The following VAV3 variants were observed in gnomAD, a reference collection of about 807,000 sequenced individuals.
The protein encoded by VAV3 is guanine nucleotide exchange factor VAV3.
Under a neutral mutation model 131.2 loss-of-function variants are expected in VAV3, and 94 were observed. That is an observed-to-expected ratio of 0.72 (90% CI 0.61 to 0.85). The LOEUF is 0.85. Ranked by LOEUF, VAV3 falls within the 40% of genes least tolerant of loss-of-function variation. VAV3 has a pLI of 0.00. For missense variants in VAV3, 939 were observed against 1,002.7 expected (o/e 0.94, Z 0.86); for synonymous variants, 349 against 342.0 (o/e 1.02, Z -0.22).
intron 15 of VAV3, among the ~76,000 whole-genome samples, chr1:107,705,547 A>T (rs552838575): frequency 6.6e-6 from 1 of 152,212 alleles, no homozygotes; most frequent in East Asian, 1.9e-4. Flanking sequence ...AAAATAAAGC[A>T]TTAGTGTGAA....
At chr1:107,643,125 C>T (rs1425398168) in intron 19 of VAV3, among the ~76,000 whole-genome samples, 2 of 152,104 alleles carry the variant, frequency 1.3e-5, no homozygotes, top group Admixed American at 1.3e-4. Flanking sequence ...TATTACTTTC[C>T]TCTTGGGCAC....
chr1:107,690,376 A>G (rs1659342314), intron 17 of VAV3, among the ~76,000 whole-genome samples: 2 of 152,106 alleles, frequency 1.3e-5, no homozygotes. Context: ...CCTCTTCATC[A>G]GAGGAGCAGA....
At chr1:107,827,051 ACTTT>A (rs1173495678) in intron 2 of VAV3, among the ~76,000 whole-genome samples, 2 of 152,146 alleles carry the variant, frequency 1.3e-5, no homozygotes, top group Non-Finnish European at 2.9e-5. Flanking sequence ...AGTTTCTCAT[ACTTT>A]CTTTCATGTA....
chr1:107,608,268 TTTA>T (rs1480610259), intron 22 of VAV3, among the ~76,000 whole-genome samples: 1 of 152,144 alleles, frequency 6.6e-6, no homozygotes, highest in Non-Finnish European at 1.5e-5. Flanking sequence ...ACCTAATAAG[TTTA>T]TTTCATAAAA....
At chr1:107,945,313 T>A (rs1161693928) in intron 1 of VAV3, among the ~76,000 whole-genome samples, 5 of 152,210 alleles carry the variant, frequency 3.3e-5, no homozygotes, top group Non-Finnish European at 2.9e-5. Flanking sequence ...CCTACATATT[T>A]AATTTCAGAG....
At chr1:107,941,602 T>C (rs1293111343) in intron 1 of VAV3, among the ~76,000 whole-genome samples, 1 of 152,194 alleles carries the variant, frequency 6.6e-6, no homozygotes, top group African/African-American at 2.4e-5. Context: ...TCAGTACTTC[T>C]GTTTTGTTTG....
chr1:107,741,449 G>A (rs1663016095), intron 15 of VAV3, among the ~76,000 whole-genome samples: 2 of 152,146 alleles, frequency 1.3e-5, no homozygotes, highest in Admixed American at 1.3e-4. Context: ...AGTGCAGGGT[G>A]GGGAGGGTCA....
At chr1:107,743,639 T>A (rs1321742454) in intron 15 of VAV3, among the ~76,000 whole-genome samples, 1 of 152,210 alleles carries the variant, frequency 6.6e-6, no homozygotes, top group Non-Finnish European at 1.5e-5. Context: ...GATAAATATT[T>A]GCAGAATGAA....
intron 24 of VAV3, 149 bp from the exon 25 acceptor site, chr1:107,596,490 T>C (rs1487113438): frequency 1.3e-6 from 1 of 780,920 alleles, no homozygotes; most frequent in African/African-American, 1.8e-5. Context: ...TGATAATCTC[T>C]CCCTGCTGTC....
intron 2 of VAV3, among the ~76,000 whole-genome samples, chr1:107,845,715 C>A (rs1668936623): frequency 1.3e-5 from 2 of 151,812 alleles, no homozygotes; most frequent in African/African-American, 4.8e-5. Flanking sequence ...TGAAGATCAA[C>A]TTAATGAAAT....
chr1:107,626,508 T>G (rs1325944048), intron 20 of VAV3, among the ~76,000 whole-genome samples: 3 of 152,194 alleles, frequency 2.0e-5, no homozygotes. Context: ...CCTCTACACT[T>G]TCACATAGCT....
At chr1:107,801,761 G>A (rs1479172726) in intron 2 of VAV3, among the ~76,000 whole-genome samples, 1 of 152,118 alleles carries the variant, frequency 6.6e-6, no homozygotes, top group African/African-American at 2.4e-5. Flanking sequence ...AATCTGCTGT[G>A]ATTCTGGGGG....
At position 107,574,204 on chromosome 1, in the gene VAV3, A is replaced by C. The variant is rs1027054225; in HGVS notation, c.2351-6T>G. ...CAGCACTTTTGGACTTAACACTGTC[A>C]AGAAATGACAAGCAATGACAGTAGG... On this transcript the variant is annotated splice_polypyrimidine_tract_variant and splice_region_variant and intron_variant, in intron 25 of 26. Coordinates refer to ENST00000370056, the MANE Select transcript of VAV3 (RefSeq NM_006113.5). The C allele has an allele frequency of 1.9e-6, 3 of 1,611,928 alleles. No homozygotes were observed. The African/African-American group carries it at 4.0e-5, about 22-fold the overall frequency.
At chr1:107,779,596 T>C in intron 2 of VAV3, 104 bp from the exon 3 acceptor site, 1 of 804,528 alleles carries the variant, frequency 1.2e-6, no homozygotes, top group Non-Finnish European at 1.8e-6. Context: ...AGCAGAAACA[T>C]AAATTTGCAG....
At chr1:107,658,819 G>C (rs536539837) in intron 19 of VAV3, among the ~76,000 whole-genome samples, 69 of 152,236 alleles carry the variant, frequency 4.5e-4, no homozygotes, top group African/African-American at 1.6e-3. Context: ...TTGTAAATTT[G>C]TTTGAGTTCA....
chr1:107,931,417 T>C (rs1368823492), intron 1 of VAV3, among the ~76,000 whole-genome samples: 1 of 152,126 alleles, frequency 6.6e-6, no homozygotes, highest in East Asian at 1.9e-4. Flanking sequence ...ATATGCCAAT[T>C]AAAAATAAAA....
At chr1:107,713,353 A>G (rs780514335) in intron 15 of VAV3, among the ~76,000 whole-genome samples, 5 of 152,012 alleles carry the variant, frequency 3.3e-5, no homozygotes, top group Non-Finnish European at 5.9e-5. Flanking sequence ...ACAAACCCAA[A>G]CTTTTATTTA....
chr1:107,919,201 G>T (rs1672770283), intron 1 of VAV3, among the ~76,000 whole-genome samples: 1 of 152,044 alleles, frequency 6.6e-6, no homozygotes. Flanking sequence ...TTATTGAATG[G>T]TTATAAATTT....
chr1:107,769,908 C>T (rs1664943955), intron 6 of VAV3, among the ~76,000 whole-genome samples: 1 of 152,124 alleles, frequency 6.6e-6, no homozygotes, highest in Non-Finnish European at 1.5e-5. Context: ...TTTGTCATCT[C>T]GATTAACACA....
Sources: gnomAD v4.1 joint callset for allele counts (sites outside exome capture counted in the v4.1 genomes callset) on GRCh38, gnomAD v4.1.1 for gene constraint, MANE v1.5 for transcripts, NCBI Gene and HGNC (gene_info 2026-07-23, HGNC 2026-07-21) for gene names.